TENT4B: variants seen among roughly 807,000 people sequenced by gnomAD.
TENT4B encodes terminal nucleotidyltransferase 4B, also known as PAP associated domain containing 5.
TENT4B carries 10 observed loss-of-function variants against 75.0 expected under a neutral mutation model. The ratio of observed to expected loss-of-function variants is 0.13; its 90% CI spans 0.08 to 0.23. The LOEUF (loss-of-function observed/expected upper bound fraction) is 0.23. TENT4B is among the 10% of genes least tolerant of loss of function. The pLI is 1.00. For missense variants in TENT4B, 579 were observed against 893.8 expected (o/e 0.65, Z 4.49); for synonymous variants, 350 against 357.7 (o/e 0.98, Z 0.24).
chr16:50,158,948 T>C (rs1181519370), intron 1 of TENT4B, among the ~76,000 whole-genome samples: 1 of 152,116 alleles, frequency 6.6e-6, no homozygotes, highest in Non-Finnish European at 1.5e-5. Flanking sequence ...GGGGAAATAT[T>C]TGTGGTGTTT....
intron 3 of TENT4B, 75 bp downstream of exon 3, chr16:50,214,342 T>G: frequency 8.2e-7 from 1 of 1,217,878 alleles, no homozygotes; most frequent in Non-Finnish European, 1.2e-6. Flanking sequence ...TTGTAAGGAG[T>G]AGAAACAAAA....
At chr16:50,215,904 C>G (rs1331080549) in intron 3 of TENT4B, among the ~76,000 whole-genome samples, 171 bp from the exon 4 acceptor site, 2 of 152,160 alleles carry the variant, frequency 1.3e-5, no homozygotes, top group Non-Finnish European at 2.9e-5. Context: ...TTAAAATCAA[C>G]AACTACTATT....
At chr16:50,202,270 G>A (rs1341913457) in intron 1 of TENT4B, among the ~76,000 whole-genome samples, 1 of 152,118 alleles carries the variant, frequency 6.6e-6, no homozygotes, top group Admixed American at 6.6e-5. Flanking sequence ...CTGTAACATA[G>A]GGAAAGATGT....
In TENT4B at chr16:50,222,233, A is replaced by G. The variant is rs950341168; in HGVS notation, c.1039-73A>G. ...ACCAAATTTTATAATGTAAGGACCAATTTATGCCCCTCTTAATGCTTAGAT... is the reference window on the plus strand; with the variant it reads ...ACCAAATTTTATAATGTAAGGACCAGTTTATGCCCCTCTTAATGCTTAGAT... On this transcript the variant is annotated intron_variant, in intron 5 of 11. Coordinates refer to ENST00000561678, the MANE Select transcript of TENT4B (RefSeq NM_001365324.3). 6 of 1,389,230 alleles carry G rather than the reference A, an allele frequency of 4.3e-6. No homozygotes were observed. The Admixed American group carries it at 9.8e-5, about 23-fold the overall frequency. 86.1% of individuals were successfully genotyped at this position (1,389,230 alleles called of 1,614,324 possible).
chr16:50,186,744 C>CT (rs1013743179), intron 1 of TENT4B, among the ~76,000 whole-genome samples: 14 of 149,116 alleles, frequency 9.4e-5, no homozygotes, highest in South Asian at 2.1e-4. Flanking sequence ...GTCCTTTGCA[C>CT]TTTTTTTTTT....
rs564016857 is a variant in TENT4B, at chr16:50,154,386, A to C, written c.638+127A>C. Reference sequence around the variant, plus strand: ...CACGGCCTGCCTTCGCTGCTGTTGCACGGGGGTGCTGCTGGCCATCCCCAA... The same window carrying C: ...CACGGCCTGCCTTCGCTGCTGTTGCCCGGGGGTGCTGCTGGCCATCCCCAA... On this transcript the variant is annotated intron_variant, in intron 1 of 11. Transcript: ENST00000561678. 7.6e-6 allele frequency: 10 copies of C among 1,314,986 alleles called. No individual in the cohort carries two copies. The South Asian group carries it at 2.0e-4, about 27-fold the overall frequency. The allele number at this position is 1,314,986 out of a possible 1,614,324, so 81.5% of individuals were successfully genotyped here.
upstream of TENT4B, chr16:50,153,112 A>C: frequency 2.6e-6 from 3 of 1,151,788 alleles, no homozygotes; most frequent in Admixed American, 8.1e-5. Context: ...GGCCTCTGTG[A>C]CGCACGGCGA....
intron 1 of TENT4B, among the ~76,000 whole-genome samples, chr16:50,186,370 T>G (rs1391443246): frequency 6.6e-6 from 1 of 152,208 alleles, no homozygotes; most frequent in Non-Finnish European, 1.5e-5. Context: ...GCTTTCATCA[T>G]CTAGCAGGCT....
rs1391168753 is a variant in TENT4B at position 50,153,387 on chromosome 16, G to A, written c.-235G>A. 6.8e-6 allele frequency among the ~76,000 whole-genome samples: 1 copy of A among 146,116 alleles called. No individual in the cohort carries two copies. The highest frequency in any genetic ancestry group is 1.5e-5 in the Non-Finnish European group (1 of 65,668). On this transcript the variant is annotated 5_prime_UTR_variant, in exon 1 of 12. Coordinates refer to ENST00000561678, the MANE Select transcript of TENT4B (RefSeq NM_001365324.3). Reference sequence around the variant, plus strand: ...GGGCTCGGCGGAGGGGCGGAGGGGCGGAGGGAGGGGGGGAGGGCCCGCGGA... The same window carrying A: ...GGGCTCGGCGGAGGGGCGGAGGGGCAGAGGGAGGGGGGGAGGGCCCGCGGA...
intron 10 of TENT4B, among the ~76,000 whole-genome samples, chr16:50,225,989 TTTTTC>T (rs536774146): frequency 1.2e-4 from 18 of 148,776 alleles, no homozygotes; most frequent in African/African-American, 2.7e-4. Context: ...GCCTTTAACG[TTTTTC>T]TTTTCTTTTC....
chr16:50,168,178 T>A (rs868440526), intron 1 of TENT4B, among the ~76,000 whole-genome samples: 23 of 152,204 alleles, frequency 1.5e-4, no homozygotes, highest in African/African-American at 2.4e-5. Context: ...ACAATTTGCA[T>A]ATGTCTTTAC....
At chr16:50,211,790 T>C (rs911972520) in intron 2 of TENT4B, among the ~76,000 whole-genome samples, 3 of 152,182 alleles carry the variant, frequency 2.0e-5, no homozygotes, top group Admixed American at 6.6e-5. Flanking sequence ...TATCAAAACC[T>C]CATTACTACT....
Position 50,153,917 on chromosome 16 carries a change from A to T in TENT4B, c.296A>T (p.Glu99Val), listed in dbSNP as rs2037831705. 6.5e-7 allele frequency: 1 copy of T among 1,527,856 alleles called. No individual in the cohort carries two copies. Among genetic ancestry groups the T allele is most frequent in the Non-Finnish European group, 8.7e-7 (1 of 1,144,136 alleles). 94.6% of individuals were successfully genotyped at this position (1,527,856 alleles called of 1,614,324 possible). A position where few individuals can be genotyped will look rare whatever the true frequency, so the allele number is the denominator to read the frequency against. Residue 99 changes from glutamate to valine, a missense_variant, in exon 1 of 12, where the codon GAG (glutamate) becomes GTG (valine). Transcript: ENST00000561678. ...RLLGSHALPA[E>V]QRDFLPLETT... ...CTGGGCAGCCACGCGCTGCCCGCGGAGCAGCGGGACTTCCTGCCCCTAGAG... is the reference window on the plus strand; with the variant it reads ...CTGGGCAGCCACGCGCTGCCCGCGGTGCAGCGGGACTTCCTGCCCCTAGAG...
At chr16:50,174,276 A>G (rs1274534518) in intron 1 of TENT4B, among the ~76,000 whole-genome samples, 11 of 149,478 alleles carry the variant, frequency 7.4e-5, no homozygotes, top group Admixed American at 2.7e-4. Flanking sequence ...TTTTGTATTT[A>G]TAGTAGGGAC....
intron 5 of TENT4B, among the ~76,000 whole-genome samples, chr16:50,218,827 A>G (rs2031693374): frequency 6.6e-6 from 1 of 152,092 alleles, no homozygotes; most frequent in African/African-American, 2.4e-5. Context: ...ATTTGTCACC[A>G]TCATCTGTGG....
At position 50,233,596 on chromosome 16, in the gene TENT4B, G is replaced by C. The variant is rs1567519532; in HGVS notation, c.*4268G>C. On this transcript the variant is annotated 3_prime_UTR_variant, in exon 12 of 12. Transcript: ENST00000561678. ...AGAAAAATTGCTTATAAAGGCTGCT[G>C]ATCTATTTGATACCTAGAATTAAAT... 1.0e-6 allele frequency: 1 copy of C among 982,554 alleles called. No individual in the cohort carries two copies. The highest frequency in any genetic ancestry group is 6.2e-5 in the Admixed American group (1 of 16,238). The allele number at this position is 982,554 out of a possible 1,614,324, so 60.9% of individuals were successfully genotyped here. A position where few individuals can be genotyped will look rare whatever the true frequency, so the allele number is the denominator to read the frequency against.
intron 1 of TENT4B, among the ~76,000 whole-genome samples, chr16:50,207,559 C>T (rs952410211): frequency 6.6e-6 from 1 of 152,056 alleles, no homozygotes; most frequent in East Asian, 1.9e-4. Context: ...GTTCAGATCA[C>T]GGAAGAGTTG....
chr16:50,154,036 C>T lies in TENT4B; in HGVS notation c.415C>T (p.Pro139Ser), dbSNP rs1474215774. 3.3e-6 allele frequency: 5 copies of T among 1,532,668 alleles called. No individual in the cohort carries two copies. In the African/African-American group the frequency reaches 4.1e-5, roughly 13 times the overall value. The allele number at this position is 1,532,668 out of a possible 1,614,324, so 94.9% of individuals were successfully genotyped here. The change falls in exon 1 of 12, where the codon CCG becomes TCG. Residue 139 changes from proline to serine, a missense_variant. Around this residue, in one of 7 missense-constraint regions of TENT4B, gnomAD observed 253 missense variants for 270.1 expected, o/e 0.94. Transcript: ENST00000561678. The stretch of plus-strand genomic sequence containing the variant: ...CTCGCCTCCCTCGGCGTCCTCGTCC[C>T]CGCACCCTTCGGCCGCCGTCCCCGC... ...ASSPPSASSS[P>S]HPSAAVPAAD...
intron 1 of TENT4B, among the ~76,000 whole-genome samples, chr16:50,187,864 T>C (rs1424040691): frequency 1.3e-5 from 2 of 152,056 alleles, no homozygotes; most frequent in African/African-American, 4.8e-5. Flanking sequence ...CCCATCTCTA[T>C]ATTTTAAAAA....
Sources: allele counts gnomAD v4.1 joint callset (sites outside exome capture counted in the v4.1 genomes callset), GRCh38; gene constraint gnomAD v4.1.1; regional missense constraint gnomAD v4.1.1; transcripts MANE v1.5; gene names NCBI Gene and HGNC (gene_info 2026-07-23, HGNC 2026-07-21).